AKAP6: variants seen among roughly 807,000 people sequenced by gnomAD.
The protein encoded by AKAP6 is A-kinase anchor protein 6.
AKAP6 carries 58 observed loss-of-function variants against 188.5 expected under a neutral mutation model. The observed-to-expected ratio is 0.31, with a 90% CI of 0.25 to 0.38. The LOEUF is 0.38. Ranked by LOEUF, AKAP6 falls within the 10% of genes least tolerant of loss-of-function variation. The probability of loss-of-function intolerance (pLI) is 1.00; values close to 1 mark genes in which losing one functional copy is unlikely to be tolerated. For synonymous variants in AKAP6, 989 were observed against 998.6 expected, an observed-to-expected ratio of 0.99 and a Z score of 0.18; for missense variants, 2,710 against 2,740.0, an observed-to-expected ratio of 0.99 and a Z score of 0.24.
At chr14:32,655,244 T>A (rs577848002) in intron 7 of AKAP6, among the ~76,000 whole-genome samples, 10 of 152,312 alleles carry the variant, frequency 6.6e-5, no homozygotes, top group African/African-American at 1.9e-4. Flanking sequence ...TCATTAACAT[T>A]CTTTTATTTT....
rs1371933845 is a variant in AKAP6 at position 32,679,041 on chromosome 14, A to G, written c.2879+582A>G. ...CATTCAGCCTGAGACATACAGCTGT[A>G]TTTATATTATACTAACTATTCATAC... On this transcript the variant is annotated intron_variant, in intron 8 of 13. Coordinates refer to ENST00000280979, the MANE Select transcript of AKAP6 (RefSeq NM_004274.5). Among the ~76,000 whole-genome samples, 3 of 152,178 alleles carry G rather than the reference A, an allele frequency of 2.0e-5. No individual in the cohort carries two copies. In the East Asian group the frequency reaches 5.8e-4, roughly 29 times the overall value.
chr14:32,500,465 C>T (rs967265165), intron 2 of AKAP6, among the ~76,000 whole-genome samples: 12 of 152,122 alleles, frequency 7.9e-5, no homozygotes, highest in East Asian at 3.9e-4. Context: ...CACTCTGTGA[C>T]GCTGAGCATA....
intron 11 of AKAP6, among the ~76,000 whole-genome samples, chr14:32,755,527 A>C (rs986169618): frequency 2.0e-5 from 3 of 151,070 alleles, no homozygotes; most frequent in Admixed American, 6.6e-5. Context: ...TATTATTATT[A>C]TTATTATTAT....
At chr14:32,763,759 G>A (rs970650903) in intron 11 of AKAP6, among the ~76,000 whole-genome samples, 18 of 152,096 alleles carry the variant, frequency 1.2e-4, no homozygotes, top group Middle Eastern at 3.2e-3. Context: ...CTTCAATATA[G>A]ATTAAGTTCC....
At chr14:32,449,860 G>T (rs760049673) in intron 2 of AKAP6, among the ~76,000 whole-genome samples, 18 of 152,166 alleles carry the variant, frequency 1.2e-4, no homozygotes, top group Admixed American at 2.6e-4. Flanking sequence ...AGTTCAAACT[G>T]CCTCAGAGAT....
intron 11 of AKAP6, among the ~76,000 whole-genome samples, chr14:32,754,716 A>C (rs2032266849): frequency 6.6e-6 from 1 of 152,174 alleles, no homozygotes; most frequent in South Asian, 2.1e-4. Flanking sequence ...TTATTTCTCT[A>C]GGAAAATCCT....
chr14:32,386,227 T>C (rs1566476814), intron 1 of AKAP6, among the ~76,000 whole-genome samples: 3 of 152,082 alleles, frequency 2.0e-5, no homozygotes, highest in Admixed American at 6.6e-5. Context: ...CCACCAGCAG[T>C]GTAGAAGTGT....
chr14:32,832,702 GTTCT>G lies in AKAP6; in HGVS notation c.*2903_*2906del, dbSNP rs1310905335. 1.3e-5 allele frequency: 2 copies of G among 152,492 alleles called. No individual in the cohort carries two copies. The highest frequency in any genetic ancestry group is 4.8e-5 in the African/African-American group (2 of 41,448). 9.4% of individuals were successfully genotyped at this position (152,492 alleles called of 1,614,324 possible). A position where few individuals can be genotyped will look rare whatever the true frequency, so the allele number is the denominator to read the frequency against. Reference sequence around the variant, plus strand: ...GTTGGGCATATCTCTTTGTTAGAAAGTTCTTTCTTAGGTTGCTAAAATCTGCCTA... The same window carrying G: ...GTTGGGCATATCTCTTTGTTAGAAAGTTCTTAGGTTGCTAAAATCTGCCTA... On this transcript the variant is annotated 3_prime_UTR_variant, in exon 14 of 14. Coordinates refer to ENST00000280979, the MANE Select transcript of AKAP6 (RefSeq NM_004274.5).
chr14:32,683,530 T>C (rs1004409355), intron 8 of AKAP6, among the ~76,000 whole-genome samples: 1 of 152,212 alleles, frequency 6.6e-6, no homozygotes, highest in African/African-American at 2.4e-5. Flanking sequence ...ATGACTTTGG[T>C]GTCATCCAGC....
In AKAP6 at chr14:32,545,807, C is replaced by T. The variant is rs764886044; in HGVS notation, c.1154C>T (p.Thr385Met). The change falls in exon 4 of 14, where the codon ACG (threonine) becomes ATG (methionine). Residue 385 changes from threonine (T) to methionine (M), a missense_variant. By Grantham distance (81) the Thr-to-Met change is moderately conservative (BLOSUM62 -1). This residue lies in a region of AKAP6 where 2,473 missense variants were observed against 2,426.1 expected (regional missense o/e 1.02). Transcript: ENST00000280979. ...DCFNYNEDSP[T>M]QPTLPKRGLF... is the part of the protein sequence containing the mutation. Reference sequence around the variant, plus strand: ...TTTAATTATAACGAGGACTCTCCCACGCAGCCTACATTGCCAAAAAGAGGA... The same window carrying T: ...TTTAATTATAACGAGGACTCTCCCATGCAGCCTACATTGCCAAAAAGAGGA... 79 of 1,614,078 alleles carry T rather than the reference C, an allele frequency of 4.9e-5. No individual in the cohort carries two copies. Among genetic ancestry groups the T allele is most frequent in the South Asian group, 1.6e-4 (15 of 91,094 alleles).
At chr14:32,352,071 CTGTGTG>C (rs147604276) in intron 1 of AKAP6, among the ~76,000 whole-genome samples, 18 of 134,084 alleles carry the variant, frequency 1.3e-4, no homozygotes, top group East Asian at 6.6e-4. Context: ...TTGGGAGACC[CTGTGTG>C]TGTGTGTGTG....
intron 2 of AKAP6, among the ~76,000 whole-genome samples, chr14:32,437,206 C>G (rs549928008): frequency 3.1e-4 from 47 of 152,262 alleles, no homozygotes; most frequent in African/African-American, 1.1e-3. Flanking sequence ...ACCAAGCTAT[C>G]AGCCAGAGGG....
chr14:32,756,749 G>C (rs893171372), intron 11 of AKAP6, among the ~76,000 whole-genome samples: 1 of 152,126 alleles, frequency 6.6e-6, no homozygotes, highest in African/African-American at 2.4e-5. Flanking sequence ...TAGCTGTCCT[G>C]GTGCTAGGGT....
intron 1 of AKAP6, among the ~76,000 whole-genome samples, chr14:32,410,228 A>G (rs1889437739): frequency 6.6e-6 from 1 of 152,054 alleles, no homozygotes; most frequent in Non-Finnish European, 1.5e-5. Flanking sequence ...GAAATATTTT[A>G]TAACCTATTC....
intron 1 of AKAP6, among the ~76,000 whole-genome samples, chr14:32,408,072 T>C (rs1889356248): frequency 6.6e-6 from 1 of 152,170 alleles, no homozygotes; most frequent in South Asian, 2.1e-4. Flanking sequence ...ACCCCCAGAC[T>C]GTAACACAAG....
At chr14:32,612,604 T>G (rs796774975) in intron 7 of AKAP6, among the ~76,000 whole-genome samples, 14 of 152,308 alleles carry the variant, frequency 9.2e-5, no homozygotes, top group African/African-American at 2.6e-4. Flanking sequence ...CCATTTCACC[T>G]ATTTTTTCCC....
At chr14:32,572,249 A>G (rs1884523968) in intron 4 of AKAP6, among the ~76,000 whole-genome samples, 6 of 152,248 alleles carry the variant, frequency 3.9e-5, no homozygotes, top group African/African-American at 1.2e-4. Context: ...TAAAATGACC[A>G]TAATCAACAC....
intron 7 of AKAP6, among the ~76,000 whole-genome samples, chr14:32,605,734 A>G (rs1886103545): frequency 6.6e-6 from 1 of 152,154 alleles, no homozygotes; most frequent in Non-Finnish European, 1.5e-5. Context: ...GTCATGTACA[A>G]ATTGTGCCAT....
chr14:32,587,412 T>C (rs544892334), intron 5 of AKAP6, among the ~76,000 whole-genome samples: 1 of 152,158 alleles, frequency 6.6e-6, no homozygotes, highest in Non-Finnish European at 1.5e-5. Context: ...GTAACGGGTT[T>C]CTACTAGGGG....
Sources: allele counts gnomAD v4.1 joint callset (sites outside exome capture counted in the v4.1 genomes callset), GRCh38; gene constraint gnomAD v4.1.1; regional missense constraint gnomAD v4.1.1; transcripts MANE v1.5; gene names NCBI Gene and HGNC (gene_info 2026-07-23, HGNC 2026-07-21).